ULK4: variants seen among roughly 807,000 people sequenced by gnomAD.
ULK4 encodes the protein unc-51 like kinase 4.
In ULK4, 133 loss-of-function variants were observed where a neutral mutation model predicts 160.6. That is an observed-to-expected ratio of 0.83 (90% CI 0.72 to 0.96). The LOEUF is 0.96. Ranked by LOEUF, ULK4 falls within the 40% of genes least tolerant of loss-of-function variation. The pLI, the probability that ULK4 is intolerant of heterozygous loss-of-function variation, is 0.00. For synonymous variants in ULK4, 534 were observed against 539.8 expected (o/e 0.99, Z 0.15); for missense variants, 1,580 against 1,499.5 (o/e 1.05, Z -0.89).
chr3:41,527,062 C>T (rs1282036695), intron 32 of ULK4, among the ~76,000 whole-genome samples: 1 of 152,218 alleles, frequency 6.6e-6, no homozygotes, highest in Non-Finnish European at 1.5e-5. Flanking sequence ...TACATTATCT[C>T]ATTTAACTCT....
intron 32 of ULK4, among the ~76,000 whole-genome samples, chr3:41,475,096 C>T (rs986880910): frequency 1.1e-4 from 17 of 152,178 alleles, no homozygotes; most frequent in African/African-American, 3.6e-4. Flanking sequence ...ATCTAGGTGT[C>T]CATCAGCAGA....
chr3:41,441,745 C>T (rs2083175484), intron 34 of ULK4, among the ~76,000 whole-genome samples: 1 of 152,072 alleles, frequency 6.6e-6, no homozygotes, highest in South Asian at 2.1e-4. Context: ...CATTCCCTTG[C>T]TGATTTTCTT....
At chr3:41,326,216 C>T (rs1415661029) in intron 35 of ULK4, among the ~76,000 whole-genome samples, 3 of 152,042 alleles carry the variant, frequency 2.0e-5, no homozygotes, top group East Asian at 3.9e-4. Context: ...ATTCCAATCA[C>T]GAGTAGTACC....
intron 35 of ULK4, among the ~76,000 whole-genome samples, chr3:41,283,374 A>G (rs555265355): frequency 6.6e-6 from 1 of 152,236 alleles, no homozygotes; most frequent in Non-Finnish European, 1.5e-5. Flanking sequence ...ACTATTCACA[A>G]TAGAAAAGAC....
chr3:41,941,086 C>G (rs1699939200), intron 2 of ULK4, among the ~76,000 whole-genome samples: 1 of 149,602 alleles, frequency 6.7e-6, no homozygotes, highest in South Asian at 2.1e-4. Context: ...CAGGCTGGAG[C>G]ACAGTGGCAC....
At chr3:41,390,364 C>G (rs1222341129) in intron 35 of ULK4, among the ~76,000 whole-genome samples, 1 of 152,098 alleles carries the variant, frequency 6.6e-6, no homozygotes, top group African/African-American at 2.4e-5. Flanking sequence ...GTCTCTATTT[C>G]CTTCAGTTCT....
chr3:41,455,183 A>G (rs753318851), intron 34 of ULK4, among the ~76,000 whole-genome samples: 3 of 152,154 alleles, frequency 2.0e-5, no homozygotes, highest in Non-Finnish European at 2.9e-5. Flanking sequence ...TCTTTTTGAG[A>G]AGAAATTGAT....
At chr3:41,392,494 T>C (rs1178336721) in intron 35 of ULK4, among the ~76,000 whole-genome samples, 2 of 152,170 alleles carry the variant, frequency 1.3e-5, no homozygotes, top group African/African-American at 4.8e-5. Flanking sequence ...TGCTACATTA[T>C]TCCCCAAGAT....
At chr3:41,339,306 G>A (rs561892055) in intron 35 of ULK4, among the ~76,000 whole-genome samples, 8 of 152,250 alleles carry the variant, frequency 5.3e-5, no homozygotes, top group African/African-American at 1.4e-4. Context: ...CACTCCCAGA[G>A]AGCTGCCACT....
chr3:41,256,181 GA>G (rs2078831529), intron 35 of ULK4, among the ~76,000 whole-genome samples: 1 of 152,190 alleles, frequency 6.6e-6, no homozygotes, highest in Admixed American at 6.5e-5. Context: ...TTGTAATATA[GA>G]ATAGCTGAGT....
At chr3:41,766,102 C>G (rs1436759400) in intron 21 of ULK4, among the ~76,000 whole-genome samples, 1 of 151,866 alleles carries the variant, frequency 6.6e-6, no homozygotes, top group Non-Finnish European at 1.5e-5. Flanking sequence ...AACCCCATCT[C>G]TACTAAAAAT....
chr3:41,903,337 C>T (rs1167522341), intron 12 of ULK4, among the ~76,000 whole-genome samples: 1 of 152,124 alleles, frequency 6.6e-6, no homozygotes, highest in Non-Finnish European at 1.5e-5. Context: ...GCAATCCCAG[C>T]ACTTTGGGAG....
intron 17 of ULK4, among the ~76,000 whole-genome samples, chr3:41,863,513 G>C (rs1027508018): frequency 1.3e-5 from 2 of 152,104 alleles, no homozygotes; most frequent in South Asian, 2.1e-4. Context: ...TCAAGCAGGA[G>C]GAGTTTTGCC....
intron 33 of ULK4, 111 bp downstream of exon 33, chr3:41,462,976 A>AC: frequency 7.7e-7 from 1 of 1,301,548 alleles, no homozygotes; most frequent in Non-Finnish European, 1.0e-6. Flanking sequence ...AGAATTATAC[A>AC]TTCTTTTAAA....
chr3:41,517,464 C>T (rs1408870535), intron 32 of ULK4, among the ~76,000 whole-genome samples: 2 of 152,144 alleles, frequency 1.3e-5, no homozygotes, highest in African/African-American at 2.4e-5. Flanking sequence ...CAGTAAGAGG[C>T]ACCATCTTGG....
At chr3:41,937,581 G>C (rs1275673150) in intron 3 of ULK4, among the ~76,000 whole-genome samples, 1 of 150,372 alleles carries the variant, frequency 6.7e-6, no homozygotes, top group East Asian at 1.9e-4. Context: ...TAAAAATTTT[G>C]AAACTAAAAG....
intron 2 of ULK4, among the ~76,000 whole-genome samples, chr3:41,948,331 A>C (rs540708092): frequency 1.3e-5 from 2 of 152,168 alleles, no homozygotes; most frequent in East Asian, 3.9e-4. Flanking sequence ...TGCACCTGTA[A>C]TCCCAGCAAC....
At chr3:41,501,240 T>C (rs1470674985) in intron 32 of ULK4, among the ~76,000 whole-genome samples, 1 of 152,096 alleles carries the variant, frequency 6.6e-6, no homozygotes, top group South Asian at 2.1e-4. Flanking sequence ...ATGCCTGTAA[T>C]CAATCCCAGC....
At chr3:41,273,674 C>T (rs952661317) in intron 35 of ULK4, among the ~76,000 whole-genome samples, 2 of 152,040 alleles carry the variant, frequency 1.3e-5, no homozygotes, top group African/African-American at 4.8e-5. Context: ...AATTTGATTG[C>T]TAGAGTGGGG....
Sources: allele counts gnomAD v4.1 joint callset (sites outside exome capture counted in the v4.1 genomes callset), GRCh38; gene constraint gnomAD v4.1.1; transcripts MANE v1.5; gene names NCBI Gene and HGNC (gene_info 2026-07-23, HGNC 2026-07-21).